DLC1: variants seen among roughly 807,000 people sequenced by gnomAD.
The protein encoded by DLC1 is rho GTPase-activating protein 7.
A neutral mutation model predicts 140.3 loss-of-function variants in DLC1; 54 were observed. That is an observed-to-expected ratio of 0.38 (90% CI 0.31 to 0.48). DLC1 has a LOEUF of 0.48. Among genes scored for constraint, DLC1 ranks in the 20% least tolerant of loss-of-function variants. The pLI is 0.96. For synonymous variants in DLC1, 986 were observed against 728.1 expected (o/e 1.35, Z -5.70); for missense variants, 2,536 against 1,907.0 (o/e 1.33, Z -6.14).
intron 6 of DLC1, 123 bp downstream of exon 6, chr8:13,115,463 A>AC: frequency 1.1e-6 from 1 of 941,206 alleles, no homozygotes; most frequent in Non-Finnish European, 1.5e-6. Context: ...TGCTTACAAC[A>AC]TTTTTTTTAA....
chr8:13,541,713 C>G (rs926847076), intron 1 of DLC1, among the ~76,000 whole-genome samples: 4 of 152,084 alleles, frequency 2.6e-5, no homozygotes, highest in Non-Finnish European at 5.9e-5. Flanking sequence ...CCAAGCCTGG[C>G]TAATTTTTTG....
chr8:13,554,868 G>T (rs866046344), intron 1 of DLC1, among the ~76,000 whole-genome samples: 5 of 152,134 alleles, frequency 3.3e-5, no homozygotes, highest in Admixed American at 2.0e-4. Context: ...TTTATTCAAA[G>T]AAAACTCCAA....
rs188016831 is a variant in DLC1, at chr8:13,574,332, A to T, written c.-126+30205T>A. ...GAAAGTTATCTATTATTAATTTTAG[A>T]CATATTTGATGACTATCTGAAATTT... is the stretch of plus-strand genomic sequence containing the variant. On this transcript the variant is annotated intron_variant, in intron 1 of 1. Transcript: ENST00000631382. 7.7e-4 allele frequency among the ~76,000 whole-genome samples: 118 copies of T among 152,306 alleles called. 1 individual carries two copies. In the East Asian group the frequency reaches 0.018, roughly 23 times the overall value.
chr8:13,217,845 AAAC>A (rs1270676355), intron 5 of DLC1, among the ~76,000 whole-genome samples: 3 of 151,412 alleles, frequency 2.0e-5, no homozygotes, highest in Admixed American at 1.3e-4. Context: ...TTCAAAAAAA[AAAC>A]AACAACAAAA....
rs911272719 is a variant in DLC1, at chr8:13,543,920, G to A, written c.-125-43724C>T. On this transcript the variant is annotated intron_variant, in intron 1 of 1. Transcript: ENST00000631382. ...GTACACTACTCTGGTGACTGGTGTA[G>A]CAAAATCTCAGACTTCACCATTACA... Among the ~76,000 whole-genome samples the A allele has an allele frequency of 2.0e-5, 3 of 151,740 alleles. No individual in the cohort carries two copies. The South Asian group carries it at 6.2e-4, about 31-fold the overall frequency.
chr8:13,503,858 T>TGG (rs1407081630), intron 1 of DLC1, among the ~76,000 whole-genome samples: 1 of 152,218 alleles, frequency 6.6e-6, no homozygotes, highest in Non-Finnish European at 1.5e-5. Flanking sequence ...AGTTCTATCA[T>TGG]AGATATCTAT....
intron 3 of DLC1, among the ~76,000 whole-genome samples, chr8:13,395,004 TTCTATCTA>T (rs57872249): frequency 2.0e-5 from 2 of 100,770 alleles, no homozygotes; most frequent in African/African-American, 9.7e-5. Context: ...CTACTACATA[TTCTATCTA>T]TCTATCTATC....
At chr8:13,414,797 A>AT (rs1403595279) in intron 2 of DLC1, among the ~76,000 whole-genome samples, 45 of 151,852 alleles carry the variant, frequency 3.0e-4, no homozygotes, top group South Asian at 6.3e-4. Context: ...CGATGTTATC[A>AT]TTTTTTTTGA....
At chr8:13,297,229 T>C in intron 5 of DLC1, among the ~76,000 whole-genome samples, 1 of 111,846 alleles carries the variant, frequency 8.9e-6, no homozygotes, top group Non-Finnish European at 1.7e-5. Context: ...TGTGTGGGCA[T>C]ACCCTAAATT....
intron 2 of DLC1, among the ~76,000 whole-genome samples, chr8:13,459,251 C>A (rs890350900): frequency 6.6e-6 from 1 of 152,072 alleles, no homozygotes; most frequent in Non-Finnish European, 1.5e-5. Context: ...TTCTTCCTTT[C>A]CCTCCCCCTC....
At chr8:13,303,386 A>T (rs932838696) in intron 5 of DLC1, among the ~76,000 whole-genome samples, 16 of 152,158 alleles carry the variant, frequency 1.1e-4, no homozygotes, top group Admixed American at 1.3e-4. Context: ...ACTCAGAAAG[A>T]TTATGTAAGG....
Position 13,434,926 on chromosome 8 carries a change from C to T in DLC1, c.1024-33307G>A, listed in dbSNP as rs184806643. 4.5e-4 allele frequency among the ~76,000 whole-genome samples: 69 copies of T among 152,192 alleles called. No individual in the cohort carries two copies. In the East Asian group the frequency reaches 9.5e-3, roughly 21 times the overall value. ...AACTCCTGAGCTCAAGCGATCCACC[C>T]GCCTTGGCCTCCCAAAATGCTGGGA... is the stretch of plus-strand genomic sequence containing the variant. On this transcript the variant is annotated intron_variant, in intron 2 of 17. Transcript: ENST00000276297.
At chr8:13,255,035 G>T (rs1830161803) in intron 5 of DLC1, among the ~76,000 whole-genome samples, 1 of 151,526 alleles carries the variant, frequency 6.6e-6, no homozygotes, top group Non-Finnish European at 1.5e-5. Flanking sequence ...TGAGTGCAGT[G>T]GCGCAATCTC....
upstream of DLC1, among the ~76,000 whole-genome samples, chr8:13,518,015 C>T (rs781727685): frequency 3.9e-5 from 6 of 152,024 alleles, no homozygotes; most frequent in Non-Finnish European, 5.9e-5. Context: ...CATGTGAAAC[C>T]GTTATAGTGG....
chr8:13,354,652 A>C (rs1279991913), intron 4 of DLC1, among the ~76,000 whole-genome samples: 2 of 152,060 alleles, frequency 1.3e-5, no homozygotes, highest in African/African-American at 4.8e-5. Flanking sequence ...AAAAATGAAA[A>C]TTTTAAATCG....
chr8:13,108,360 G>C (rs1405819856), intron 7 of DLC1, among the ~76,000 whole-genome samples: 1 of 152,152 alleles, frequency 6.6e-6, no homozygotes, highest in African/African-American at 2.4e-5. Context: ...CCTATAAGAT[G>C]TTATTCTATG....
chr8:13,099,892 A>C lies in DLC1; in HGVS notation c.2445T>G (p.Pro815=), dbSNP rs1216038118. 1 of 1,614,026 alleles carries C rather than the reference A, an allele frequency of 6.2e-7. No homozygotes were observed. The highest frequency in any genetic ancestry group is 2.2e-5 in the East Asian group (1 of 44,880). Residue 815 remains proline (P), a synonymous_variant, in exon 9 of 18, where the codon CCT becomes CCG. Transcript: ENST00000276297. ...TVFYIPEDHK[P]GTFPKALTNG... Reference sequence around the variant, plus strand: ...TGGTGAGAGCTTTGGGGAAAGTGCCAGGCTTGTGATCTTCAGGGATGTAGA... The same window carrying C: ...TGGTGAGAGCTTTGGGGAAAGTGCCCGGCTTGTGATCTTCAGGGATGTAGA...
chr8:13,525,231 T>C (rs1585241986), intron 1 of DLC1, among the ~76,000 whole-genome samples: 1 of 152,244 alleles, frequency 6.6e-6, no homozygotes, highest in Non-Finnish European at 1.5e-5. Flanking sequence ...TCCAGTCATC[T>C]GGTGATGGAC....
intron 1 of DLC1, among the ~76,000 whole-genome samples, chr8:13,581,700 TG>T (rs1805105139): frequency 6.6e-6 from 1 of 152,208 alleles, no homozygotes; most frequent in Non-Finnish European, 1.5e-5. Context: ...CTTTCAAAGA[TG>T]TGCATCAGAT....
Sources: allele counts gnomAD v4.1 joint callset (sites outside exome capture counted in the v4.1 genomes callset), GRCh38; gene constraint gnomAD v4.1.1; transcripts MANE v1.5; gene names NCBI Gene and HGNC (gene_info 2026-07-23, HGNC 2026-07-21).